The following RIN3 variants were observed in gnomAD, a reference collection of about 807,000 sequenced individuals.
RIN3 encodes Ras and Rab interactor 3.
RIN3 carries 54 observed loss-of-function variants against 76.3 expected under a neutral mutation model. That is an observed-to-expected ratio of 0.71 (90% CI 0.57 to 0.89). RIN3 has a LOEUF of 0.89. Among genes scored for constraint, RIN3 ranks in the 40% least tolerant of loss-of-function variants. The pLI is 0.00. For missense variants in RIN3, 1,256 were observed against 1,322.1 expected, an observed-to-expected ratio of 0.95 and a Z score of 0.78; for synonymous variants, 576 against 564.0, an observed-to-expected ratio of 1.02 and a Z score of -0.30.
intron 4 of RIN3, among the ~76,000 whole-genome samples, chr14:92,624,483 C>A (rs1474372003): frequency 6.6e-6 from 1 of 152,152 alleles, no homozygotes; most frequent in South Asian, 2.1e-4. Flanking sequence ...GGCTTTAGAA[C>A]CGCTAGCGGG....
chr14:92,569,991 T>C (rs962294889), intron 2 of RIN3, among the ~76,000 whole-genome samples: 13 of 152,326 alleles, frequency 8.5e-5, no homozygotes, highest in African/African-American at 3.1e-4. Flanking sequence ...GGTCATGACG[T>C]GCAGTCTGAA....
At chr14:92,597,763 C>T (rs1262253825) in intron 3 of RIN3, among the ~76,000 whole-genome samples, 1 of 152,170 alleles carries the variant, frequency 6.6e-6, no homozygotes, top group Admixed American at 6.5e-5. Context: ...CCGATTGGTA[C>T]AAGAAGCCCG....
chr14:92,687,150 G>A (rs1050502484), intron 9 of RIN3: 3 of 152,274 alleles, frequency 2.0e-5, no homozygotes, highest in African/African-American at 7.2e-5. Context: ...AGCTTCCAGC[G>A]CCTGCTCGCC....
Position 92,514,068 on chromosome 14 carries a change from C to A in RIN3, c.44+92C>A. 1 of 928,588 alleles carries A rather than the reference C, an allele frequency of 1.1e-6. No homozygotes were observed. The highest frequency in any genetic ancestry group is 1.7e-5 in the African/African-American group (1 of 58,678). The allele number at this position is 928,588 out of a possible 1,614,324, so 57.5% of individuals were successfully genotyped here. On this transcript the variant is annotated intron_variant, in intron 1 of 9. Transcript: ENST00000216487. The surrounding 1 kb of genome is among the most constrained non-coding windows in gnomAD (Gnocchi z 7.2). ...CCACTTCTTGTCCCAGAGAGTCCTT[C>A]GGGCGCGTGACCTCGGGGTTGTCGG...
chr14:92,669,286 G>C (rs1351912251), intron 7 of RIN3, among the ~76,000 whole-genome samples: 2 of 152,202 alleles, frequency 1.3e-5, no homozygotes, highest in Non-Finnish European at 1.5e-5. Context: ...ATCCTCCAAG[G>C]TGAAACGTGC....
intron 1 of RIN3, among the ~76,000 whole-genome samples, chr14:92,554,939 AACTT>A (rs1407335455): frequency 6.6e-6 from 1 of 152,196 alleles, no homozygotes; most frequent in Non-Finnish European, 1.5e-5. Context: ...AAATTATACT[AACTT>A]GTAAACAATA....
At chr14:92,583,508 T>C (rs72631621) in intron 3 of RIN3, among the ~76,000 whole-genome samples, 12,139 of 152,262 alleles carry the variant, frequency 0.08, 706 homozygotes, top group East Asian at 0.27. Flanking sequence ...CTCCAACCTG[T>C]GGTTTCCACA....
intron 1 of RIN3, among the ~76,000 whole-genome samples, chr14:92,531,631 A>C (rs1896880834): frequency 6.6e-6 from 1 of 152,210 alleles, no homozygotes; most frequent in South Asian, 2.1e-4. Flanking sequence ...ATGTGGTCAC[A>C]GCAACTGTTA....
rs189928547 is a variant in RIN3, at chr14:92,675,802, C to T, written c.2336-673C>T. 2.7e-4 allele frequency among the ~76,000 whole-genome samples: 41 copies of T among 152,316 alleles called. No individual in the cohort carries two copies. In the East Asian group the frequency reaches 7.7e-3, roughly 29 times the overall value. On this transcript the variant is annotated intron_variant, in intron 7 of 9. Transcript: ENST00000216487. ...ACTGGGGAGGTATCTTTCGGACCCA[C>T]CTTCCACCCTCCTTCCTGCCACTGT... is the stretch of plus-strand genomic sequence containing the variant.
rs1887083540 is a variant in RIN3 at position 92,643,306 on chromosome 14, C to T, written c.532+1977C>T. 6.6e-6 allele frequency among the ~76,000 whole-genome samples: 1 copy of T among 152,202 alleles called. No homozygotes were observed. The highest frequency in any genetic ancestry group is 1.5e-5 in the Non-Finnish European group (1 of 68,032). Reference sequence around the variant, plus strand: ...TGACCTCATGATCCACCCACCTCGGCCTCCCAAAGTGCTGGGATTACAGGC... The same window carrying T: ...TGACCTCATGATCCACCCACCTCGGTCTCCCAAAGTGCTGGGATTACAGGC... On this transcript the variant is annotated intron_variant, in intron 5 of 9. Transcript: ENST00000216487. The surrounding 1 kb of genome is among the most constrained non-coding windows in gnomAD (Gnocchi z 4.8).
chr14:92,584,780 G>T (rs1344860272), intron 3 of RIN3, among the ~76,000 whole-genome samples: 1 of 152,120 alleles, frequency 6.6e-6, no homozygotes, highest in East Asian at 1.9e-4. Context: ...CTTTTTCATT[G>T]ATGGGCTTTG....
intron 2 of RIN3, among the ~76,000 whole-genome samples, chr14:92,565,141 G>C (rs769336507): frequency 6.6e-6 from 1 of 152,178 alleles, no homozygotes; most frequent in African/African-American, 2.4e-5. Flanking sequence ...TCTTCCCATC[G>C]AGGTTGAGCT....
At chr14:92,561,044 A>AAATATATATATATATATATAT (rs1555383856) in intron 2 of RIN3, among the ~76,000 whole-genome samples, 17 of 24,388 alleles carry the variant, frequency 7.0e-4, no homozygotes, top group Non-Finnish European at 8.7e-4. Flanking sequence ...AAAAAAAAAA[A>AAATATATATATATATATATAT]ATATATATAT....
At chr14:92,522,128 T>C (rs1378615768) in intron 1 of RIN3, among the ~76,000 whole-genome samples, 1 of 152,124 alleles carries the variant, frequency 6.6e-6, no homozygotes, top group Non-Finnish European at 1.5e-5. Flanking sequence ...ACCATGGTGG[T>C]GAAGACCACA....
chr14:92,652,087 CCCCA>C lies in RIN3; in HGVS notation c.1040_1043del (p.Pro347LeufsTer12). ...TGATGACCTGCGAGAGACTCCCATG[CCCCA>C]CTGCAGGCCTGGGCCCCCTCAGGGA... On this transcript the variant is annotated frameshift_variant, in exon 6 of 10. Transcript: ENST00000216487. LOFTEE classifies it high-confidence loss of function. The surrounding 1 kb of genome is among the most constrained non-coding windows in gnomAD (Gnocchi z 6.4). The C allele has an allele frequency of 6.2e-7, 1 of 1,605,118 alleles. No individual in the cohort carries two copies. Among genetic ancestry groups the C allele is most frequent in the Non-Finnish European group, 8.5e-7 (1 of 1,179,802 alleles).
chr14:92,605,286 C>T (rs1885488301), intron 3 of RIN3, among the ~76,000 whole-genome samples: 1 of 152,048 alleles, frequency 6.6e-6, no homozygotes, highest in African/African-American at 2.4e-5. Flanking sequence ...TGAAAAATGC[C>T]CTAGTCAAAG....
chr14:92,599,186 G>A (rs745796984), intron 3 of RIN3, among the ~76,000 whole-genome samples: 2 of 152,198 alleles, frequency 1.3e-5, no homozygotes, highest in South Asian at 4.1e-4. Context: ...CCCCAGCGAA[G>A]GACATTAAGT....
chr14:92,543,913 A>G (rs1897184196), intron 1 of RIN3, among the ~76,000 whole-genome samples: 1 of 151,880 alleles, frequency 6.6e-6, no homozygotes, highest in Non-Finnish European at 1.5e-5. Context: ...CCTGCCTCCT[A>G]ACAGTCTCAG....
intron 1 of RIN3, among the ~76,000 whole-genome samples, chr14:92,518,855 C>T (rs893655786): frequency 1.4e-5 from 2 of 146,834 alleles, no homozygotes; most frequent in African/African-American, 5.1e-5. Flanking sequence ...TGGCTGCCAA[C>T]GTGTCTTTTC....
Sources: gnomAD v4.1 joint callset for allele counts (sites outside exome capture counted in the v4.1 genomes callset) on GRCh38, gnomAD v4.1.1 for gene constraint, Gnocchi (gnomAD v3.1) non-coding constraint, MANE v1.5 for transcripts, NCBI Gene and HGNC (gene_info 2026-07-23, HGNC 2026-07-21) for gene names.